RGS12: variants seen among roughly 807,000 people sequenced by gnomAD.
RGS12 encodes regulator of G-protein signaling 12.
A neutral mutation model predicts 120.1 loss-of-function variants in RGS12; 66 were observed. The observed-to-expected ratio is 0.55, with a 90% CI of 0.45 to 0.67. RGS12 has a LOEUF of 0.67. RGS12 is among the 30% of genes least tolerant of loss of function. RGS12 has a pLI of 0.00. For missense variants in RGS12, 1,859 were observed against 1,957.7 expected, an observed-to-expected ratio of 0.95 and a Z score of 0.95; for synonymous variants, 827 against 804.7, an observed-to-expected ratio of 1.03 and a Z score of -0.47.
chr4:3,310,839 C>T (rs931516502), intron 1 of RGS12, among the ~76,000 whole-genome samples: 2 of 152,162 alleles, frequency 1.3e-5, no homozygotes, highest in South Asian at 4.1e-4. Flanking sequence ...TGGTGTCTTG[C>T]TGTCTCAGGC....
At position 3,423,121 on chromosome 4, in the gene RGS12, G is replaced by A. The variant is rs538678703; in HGVS notation, c.3107+143G>A. ...TGGGGTGTCGGGGCGGGGGGAGGGT[G>A]GAGGCCCACACGAGGCAGCCCCCCT... On this transcript the variant is annotated intron_variant, in intron 12 of 17. Transcript: ENST00000336727. The A allele has an allele frequency of 7.5e-5, 51 of 683,462 alleles. No individual in the cohort carries two copies. The East Asian group carries it at 1.3e-3, about 18-fold the overall frequency. The allele number at this position is 683,462 out of a possible 1,614,324, so 42.3% of individuals were successfully genotyped here.
chr4:3,312,481 T>C (rs1724467953), intron 1 of RGS12: 1 of 218,740 alleles, frequency 4.6e-6, no homozygotes, highest in Non-Finnish European at 9.9e-6. Context: ...CTGGACTCTT[T>C]ACCCACTACT....
chr4:3,329,820 T>TGATGGAAAAG (rs1711642733), intron 2 of RGS12, among the ~76,000 whole-genome samples: 1 of 152,060 alleles, frequency 6.6e-6, no homozygotes, highest in African/African-American at 2.4e-5. Context: ...AGTGCAAAAT[T>TGATGGAAAAG]TCAGTCTATT....
intron 12 of RGS12, among the ~76,000 whole-genome samples, chr4:3,423,247 C>A (rs923699048): frequency 3.3e-5 from 5 of 152,192 alleles, no homozygotes; most frequent in Non-Finnish European, 7.4e-5. Context: ...GAGGGAGGGG[C>A]AGGAGTGCTC....
At chr4:3,420,826 C>T in intron 10 of RGS12, 108 bp downstream of exon 10, 1 of 982,928 alleles carries the variant, frequency 1.0e-6, no homozygotes, top group Non-Finnish European at 1.5e-6. Flanking sequence ...TCAGCGTTCA[C>T]TTTGTAAAGC....
Position 3,316,162 on chromosome 4 carries a change from C to A in RGS12, c.-9C>A. 1 of 1,530,902 alleles carries A rather than the reference C, an allele frequency of 6.5e-7. No individual in the cohort carries two copies. The allele number at this position is 1,530,902 out of a possible 1,614,324, so 94.8% of individuals were successfully genotyped here. A position where few individuals can be genotyped will look rare whatever the true frequency, so the allele number is the denominator to read the frequency against. ...TGAGACGTGCTCTTGGTCTTGGAAG[C>A]TCATCAGAATGTTTAGAGCTGGGGA... On this transcript the variant is annotated 5_prime_UTR_variant, in exon 2 of 18. Coordinates refer to ENST00000336727, the MANE Select transcript of RGS12 (RefSeq NM_001394154.1).
chr4:3,356,943 A>ATTTTTAAT (rs1378846149), intron 3 of RGS12, among the ~76,000 whole-genome samples: 1 of 152,048 alleles, frequency 6.6e-6, no homozygotes, highest in East Asian at 1.9e-4. Flanking sequence ...CGGTAGTCCT[A>ATTTTTAAT]TTTTTAATTT....
At chr4:3,430,257 G>A (rs745537772) in intron 16 of RGS12, 150 bp from the exon 17 acceptor site, 34 of 703,040 alleles carry the variant, frequency 4.8e-5, no homozygotes, top group Non-Finnish European at 7.0e-5. Flanking sequence ...TCTGTGGGAA[G>A]ATAGTGTGGA....
rs773431367 is a variant in RGS12 at position 3,316,979 on chromosome 4, C to G, written c.809C>G (p.Ser270Trp). The change falls in exon 2 of 18, where the codon TCG (serine) becomes TGG (tryptophan). Residue 270 changes from serine to tryptophan, a missense_variant. Physicochemically the swap from Ser to Trp is radical, Grantham distance 177. This residue lies in a region of RGS12 where 967 missense variants were observed against 994.2 expected (regional missense o/e 0.97). Transcript: ENST00000336727. ...RRLRAEQKIH[S>W]LVTMKIMHDC... ...CTGCGGGCAGAGCAGAAAATCCACT[C>G]GCTGGTGACCATGAAGATCATGCAC... is the stretch of plus-strand genomic sequence containing the variant. The G allele has an allele frequency of 6.2e-7, 1 of 1,613,840 alleles. No individual in the cohort carries two copies. The highest frequency in any genetic ancestry group is 1.1e-5 in the South Asian group (1 of 91,080).
intron 2 of RGS12, among the ~76,000 whole-genome samples, chr4:3,319,796 T>C (rs1408361400): frequency 1.3e-5 from 2 of 152,202 alleles, no homozygotes; most frequent in Non-Finnish European, 2.9e-5. Context: ...GCTGCTGTCT[T>C]TCCTTGTCTC....
At position 3,396,913 on chromosome 4, in the gene RGS12, G is replaced by GT. The variant is rs200560773; in HGVS notation, c.2020+10476_2020+10477insT. Among the ~76,000 whole-genome samples, 173 of 150,138 alleles carry GT rather than the reference G, an allele frequency of 1.2e-3. 1 individual carries two copies. In the East Asian group the frequency reaches 0.029, roughly 25 times the overall value. ...CAGCCATTGACATTTGGACAATTGG[G>GT]GTTTTTTTTTTTTAATTGCTGTAAT... On this transcript the variant is annotated intron_variant, in intron 4 of 17. Coordinates refer to ENST00000336727, the MANE Select transcript of RGS12 (RefSeq NM_001394154.1).
chr4:3,431,471 C>T (rs770249292), intron 17 of RGS12: 15 of 988,230 alleles, frequency 1.5e-5, no homozygotes, highest in Middle Eastern at 5.1e-4. Flanking sequence ...CGGCGGCCCC[C>T]GTAGCAGGTG....
In RGS12 at chr4:3,425,588, G is replaced by A. The variant is rs183853932; in HGVS notation, c.3331+28G>A. ...GAGTAGGGCTGGTGCAGCGGATGGGGAGAGGGTGAGTGGGTCCAGTGCAGG... is the reference window on the plus strand; with the variant it reads ...GAGTAGGGCTGGTGCAGCGGATGGGAAGAGGGTGAGTGGGTCCAGTGCAGG... On this transcript the variant is annotated intron_variant, in intron 14 of 17. Transcript: ENST00000336727. 2.9e-3 allele frequency: 4,574 copies of A among 1,576,026 alleles called. 121 individuals are homozygous for A. In the Admixed American group the frequency reaches 0.046, roughly 16 times the overall value.
intron 3 of RGS12, among the ~76,000 whole-genome samples, chr4:3,382,766 T>C (rs1718398140): frequency 6.6e-6 from 1 of 152,252 alleles, no homozygotes. Context: ...CTGTTTAGCC[T>C]TCCTATTGAA....
In RGS12 at chr4:3,428,059, C is replaced by T. The variant is rs142087229; in HGVS notation, c.3332-31C>T. On this transcript the variant is annotated intron_variant, in intron 14 of 17. Transcript: ENST00000336727. ...GAAACATTCAGATGGATTTGCGAGTCCCTGAAGTCATAAAGCTTTCTTATG... is the reference window on the plus strand; with the variant it reads ...GAAACATTCAGATGGATTTGCGAGTTCCTGAAGTCATAAAGCTTTCTTATG... 3.1e-6 allele frequency: 5 copies of T among 1,596,036 alleles called. No homozygotes were observed. The East Asian group carries it at 8.9e-5, about 29-fold the overall frequency.
intron 1 of RGS12, among the ~76,000 whole-genome samples, chr4:3,304,006 G>T (rs569540359): frequency 1.1e-4 from 17 of 152,270 alleles, no homozygotes; most frequent in Non-Finnish European, 2.2e-4. Flanking sequence ...GCACTGAGTC[G>T]CTGTGCTGCT....
At chr4:3,431,559 CAG>C (rs1724311763) in intron 17 of RGS12, 3 of 985,858 alleles carry the variant, frequency 3.0e-6, no homozygotes, top group Admixed American at 6.1e-5. Flanking sequence ...TCAAAGGAAG[CAG>C]GGGATTCAGT....
intron 3 of RGS12, chr4:3,370,376 C>T (rs956687781): frequency 3.9e-6 from 6 of 1,532,606 alleles, no homozygotes; most frequent in Non-Finnish European, 5.4e-6. Flanking sequence ...AAGCGTGGCA[C>T]CCTGGCTATC....
intron 2 of RGS12, among the ~76,000 whole-genome samples, chr4:3,341,925 C>T (rs1277384655): frequency 1.3e-5 from 2 of 150,452 alleles, no homozygotes; most frequent in Admixed American, 6.6e-5. Flanking sequence ...AAGGACTTTT[C>T]AGTTGAGGAG....
Sources: gnomAD v4.1 joint callset for allele counts (sites outside exome capture counted in the v4.1 genomes callset) on GRCh38, gnomAD v4.1.1 for gene constraint, gnomAD v4.1.1 regional missense constraint, MANE v1.5 for transcripts, NCBI Gene and HGNC (gene_info 2026-07-23, HGNC 2026-07-21) for gene names.